TLE5: variants seen among roughly 807,000 people sequenced by gnomAD.
TLE5 encodes the protein TLE family member 5, transcriptional modulator, also known as TLE family member 5.
Under a neutral mutation model 25.8 loss-of-function variants are expected in TLE5, and 7 were observed. That is an observed-to-expected ratio of 0.27 (90% CI 0.15 to 0.51). The LOEUF (loss-of-function observed/expected upper bound fraction) is 0.51, where lower values mean the gene tolerates loss of function less well. TLE5 is among the 20% of genes least tolerant of loss of function. The pLI, the probability that TLE5 is intolerant of heterozygous loss-of-function variation, is 0.97. For synonymous variants in TLE5, 132 were observed against 110.5 expected (o/e 1.20, Z -1.22); for missense variants, 149 against 250.7 (o/e 0.59, Z 2.74).
At chr19:3,060,733 C>G (rs1238233741) in intron 2 of TLE5, among the ~76,000 whole-genome samples, 1 of 152,192 alleles carries the variant, frequency 6.6e-6, no homozygotes, top group Non-Finnish European at 1.5e-5. Flanking sequence ...CTGAAAGAAG[C>G]AGCACCTTGG....
intron 2 of TLE5, among the ~76,000 whole-genome samples, chr19:3,059,902 T>A (rs550277643): frequency 7.9e-5 from 12 of 152,214 alleles, no homozygotes; most frequent in Non-Finnish European, 1.3e-4. Flanking sequence ...AGTGTCTCAG[T>A]TTGCCCAGCT....
chr19:3,055,766 G>A (rs1485344255), intron 4 of TLE5, 40 bp from the exon 5 acceptor site: 4 of 1,568,798 alleles, frequency 2.5e-6, no homozygotes, highest in African/African-American at 1.4e-5. Flanking sequence ...TCCTGGGCGG[G>A]TGGCAGGTGC....
At chr19:3,054,576 G>C in intron 5 of TLE5, 1 of 264,104 alleles carries the variant, frequency 3.8e-6, no homozygotes, top group South Asian at 5.3e-5. Flanking sequence ...CTGCCCAACT[G>C]TACAGGGACG....
intron 3 of TLE5, chr19:3,057,468 T>C: frequency 1.8e-6 from 1 of 557,038 alleles, no homozygotes; most frequent in Non-Finnish European, 3.2e-6. Flanking sequence ...AACCCGGCGG[T>C]TTGGCACCTC....
chr19:3,062,674 C>T (rs912822896), upstream of TLE5: 2 of 1,391,658 alleles, frequency 1.4e-6, no homozygotes. Context: ...CCGCCCCGGG[C>T]AGCGGCCCCC....
In TLE5 at chr19:3,061,241, G is replaced by A; in HGVS notation, c.44C>T (p.Pro15Leu). The A allele has an allele frequency of 6.2e-7, 1 of 1,613,608 alleles. No individual in the cohort carries two copies. ...QSRHSGSSHLPQQLKFTTSDS... is the reference protein window; with the variant it reads ...QSRHSGSSHLLQQLKFTTSDS... ...CGAGGTGGTGAATTTGAGTTGCTGG[G>A]GTAGGTGCGAGGAGCCCTGTAGGGA... The change falls in exon 2 of 7, where the codon CCC (proline) becomes CTC (leucine). Residue 15 changes from proline to leucine, a missense_variant. Physicochemically the swap from Pro to Leu is moderately conservative, Grantham distance 98. Transcript: ENST00000327141.
At chr19:3,062,002 G>T (rs1170458330) in intron 1 of TLE5, among the ~76,000 whole-genome samples, 172 bp downstream of exon 1, 1 of 124,496 alleles carries the variant, frequency 8.0e-6, no homozygotes, top group Non-Finnish European at 1.8e-5. Context: ...AGGGGAGGGG[G>T]GTCGCGCCGG....
At position 3,053,779 on chromosome 19, in the gene TLE5, CCT is replaced by C. The variant is rs772708838; in HGVS notation, c.*38_*39del. The C allele has an allele frequency of 6.2e-5, 99 of 1,590,466 alleles. 1 individual carries two copies. In the African/African-American group the frequency reaches 1.0e-3, roughly 16 times the overall value. On this transcript the variant is annotated 3_prime_UTR_variant, in exon 7 of 7. Transcript: ENST00000327141. ...CCTTTCTCTCCGTGCCTCTGTCTCC[CCT>C]CTGTCCCCCCTCCCAACCTCCCTGT...
At chr19:3,057,616 A>G (rs536377423) in intron 3 of TLE5, 63 bp downstream of exon 3, 1 of 1,499,370 alleles carries the variant, frequency 6.7e-7, no homozygotes, top group East Asian at 2.3e-5. Context: ...CCCGTGGTGG[A>G]GGGGATGTGG....
chr19:3,054,086 T>TGGGGGGGGGGGGGCCC, intron 6 of TLE5, 34 bp downstream of exon 6: 4 of 1,512,752 alleles, frequency 2.6e-6, no homozygotes, highest in Non-Finnish European at 3.6e-6. Flanking sequence ...GGCCCACCTG[T>TGGGGGGGGGGGGGCCC]CCCCCGCCCA....
intron 6 of TLE5, 34 bp from the exon 7 acceptor site, chr19:3,054,074 G>T (rs1463664027): frequency 3.2e-6 from 5 of 1,562,632 alleles, no homozygotes; most frequent in Non-Finnish European, 4.3e-6. Flanking sequence ...TTAGCTGCCT[G>T]GGGCCCACCT....
chr19:3,056,137 G>A, intron 4 of TLE5, 175 bp downstream of exon 4: 1 of 531,520 alleles, frequency 1.9e-6, no homozygotes, highest in Non-Finnish European at 3.3e-6. Flanking sequence ...GCGGGGCGGG[G>A]GGGAGGAGAG....
chr19:3,061,886 TGGGGGGGGGGG>T (rs376264879), intron 1 of TLE5, among the ~76,000 whole-genome samples: 1 of 60,424 alleles, frequency 1.7e-5, no homozygotes, highest in Non-Finnish European at 3.2e-5. Context: ...CCCGGCGGGT[TGGGGGGGGGGG>T]GCGCCAAGCC....
chr19:3,056,723 G>A (rs1468942287), intron 3 of TLE5: 2 of 388,920 alleles, frequency 5.1e-6, no homozygotes, highest in Non-Finnish European at 1.0e-5. Context: ...GGGCCCAGAC[G>A]CCAGGGAAGT....
At position 3,054,110 on chromosome 19, in the gene TLE5, C is replaced by T; in HGVS notation, c.372+10G>A. The stretch of plus-strand genomic sequence containing the variant: ...GTCCCCCGCCCACCCGCCCAGGTCC[C>T]CATACATACTCGGATGATAGAGTTC... On this transcript the variant is annotated intron_variant, in intron 6 of 6. Coordinates refer to ENST00000327141, the MANE Select transcript of TLE5 (RefSeq NM_001130.6). 3 of 1,592,196 alleles carry T rather than the reference C, an allele frequency of 1.9e-6. No homozygotes were observed. Among genetic ancestry groups the T allele is most frequent in the South Asian group, 1.1e-5 (1 of 87,292 alleles).
chr19:3,061,963 AG>A (rs1423240665), intron 1 of TLE5, among the ~76,000 whole-genome samples: 1 of 8,424 alleles, frequency 1.2e-4, no homozygotes, highest in Non-Finnish European at 2.1e-4. Flanking sequence ...CGGGAACTGG[AG>A]GGGGGGTGTC....
intron 3 of TLE5, chr19:3,056,846 C>T: frequency 4.6e-6 from 1 of 217,306 alleles, no homozygotes; most frequent in Non-Finnish European, 9.6e-6. Context: ...CTGCTCTAAA[C>T]CCTCCCATGG....
intron 1 of TLE5, among the ~76,000 whole-genome samples, chr19:3,061,894 G>GGT (rs1249789921): frequency 1.4e-5 from 2 of 145,268 alleles, no homozygotes; most frequent in Non-Finnish European, 3.1e-5. Context: ...GTTGGGGGGG[G>GGT]GGGGCGCCAA....
chr19:3,053,376 A>AGGAGAGGCAGTGATTCCTCCTGATC lies in TLE5; in HGVS notation c.*442_*443insGATCAGGAGGAATCACTGCCTCTCC. The stretch of plus-strand genomic sequence containing the variant: ...TACCTGGGACCCGGGGTCGGGGGAG[A>AGGAGAGGCAGTGATTCCTCCTGATC]CTCGGGGTGCCCAGGACGGGAAAGG... On this transcript the variant is annotated 3_prime_UTR_variant, in exon 7 of 7. Coordinates refer to ENST00000327141, the MANE Select transcript of TLE5 (RefSeq NM_001130.6). 3.0e-5 allele frequency: 5 copies of AGGAGAGGCAGTGATTCCTCCTGATC among 165,618 alleles called. No individual in the cohort carries two copies. Among genetic ancestry groups the AGGAGAGGCAGTGATTCCTCCTGATC allele is most frequent in the South Asian group, 1.6e-4 (1 of 6,134 alleles). The allele number at this position is 165,618 out of a possible 1,614,324, so 10.3% of individuals were successfully genotyped here. A position where few individuals can be genotyped will look rare whatever the true frequency, so the allele number is the denominator to read the frequency against.
Sources: allele counts gnomAD v4.1 joint callset (sites outside exome capture counted in the v4.1 genomes callset), GRCh38; gene constraint gnomAD v4.1.1; transcripts MANE v1.5; gene names NCBI Gene and HGNC (gene_info 2026-07-23, HGNC 2026-07-21).